Variants in TRIM2 observed in about 807,000 individuals in gnomAD.
The protein encoded by TRIM2 is tripartite motif-containing protein 2.
In TRIM2, 20 loss-of-function variants were observed where a neutral mutation model predicts 75.2. That is an observed-to-expected ratio of 0.27 (90% CI 0.19 to 0.39). The LOEUF (loss-of-function observed/expected upper bound fraction) is 0.39, where lower values mean the gene tolerates loss of function less well. Among genes scored for constraint, TRIM2 ranks in the 10% least tolerant of loss-of-function variants. TRIM2 has a pLI of 1.00. For synonymous variants in TRIM2, 373 were observed against 388.3 expected (o/e 0.96, Z 0.46); for missense variants, 660 against 990.8 (o/e 0.67, Z 4.48).
rs549630838 is a variant in TRIM2, at chr4:153,335,031, C to T, written c.*65C>T. ...ATAAACTGGAATGGATTTCTCAATG[C>T]GGGACCAGATTATGACTAGAGTTTT... On this transcript the variant is annotated 3_prime_UTR_variant, in exon 12 of 12. Transcript: ENST00000338700. 1.9e-5 allele frequency: 28 copies of T among 1,444,766 alleles called. No individual in the cohort carries two copies. Among genetic ancestry groups the T allele is most frequent in the South Asian group, 1.6e-4 (10 of 62,362 alleles). The allele number at this position is 1,444,766 out of a possible 1,614,324, so 89.5% of individuals were successfully genotyped here.
At chr4:153,257,467 A>G in intron 1 of TRIM2, 2 of 1,254,542 alleles carry the variant, frequency 1.6e-6, no homozygotes, top group Non-Finnish European at 2.1e-6. Context: ...CCACTTGTTA[A>G]TGACCCAGAA....
chr4:153,301,072 T>G (rs1161915184), intron 6 of TRIM2, among the ~76,000 whole-genome samples: 1 of 151,762 alleles, frequency 6.6e-6, no homozygotes, highest in Non-Finnish European at 1.5e-5. Flanking sequence ...ATGCCTGTAG[T>G]CCCAGCTACT....
chr4:153,315,403 G>A, intron 6 of TRIM2, 82 bp from the exon 7 acceptor site: 1 of 1,166,444 alleles, frequency 8.6e-7, no homozygotes, highest in East Asian at 2.5e-5. Flanking sequence ...GGTACCTGTG[G>A]AAATCTGAAT....
At chr4:153,304,888 A>G (rs1764663003) in intron 6 of TRIM2, among the ~76,000 whole-genome samples, 1 of 152,242 alleles carries the variant, frequency 6.6e-6, no homozygotes. Context: ...GTAGTGACTT[A>G]CTAAGATATT....
intron 1 of TRIM2, among the ~76,000 whole-genome samples, chr4:153,225,422 T>C (rs766214157): frequency 1.8e-4 from 27 of 152,234 alleles, no homozygotes; most frequent in Non-Finnish European, 4.0e-4. Flanking sequence ...TGAGAGGCTA[T>C]TCTGTGAATG....
At chr4:153,321,604 T>C (rs1301430027) in intron 8 of TRIM2, among the ~76,000 whole-genome samples, 1 of 152,232 alleles carries the variant, frequency 6.6e-6, no homozygotes, top group Non-Finnish European at 1.5e-5. Flanking sequence ...TTAAAATTAA[T>C]GTATCCAATA....
rs893596283 is a variant in TRIM2, at chr4:153,294,494, A to G, written c.786+9A>G. The G allele has an allele frequency of 2.5e-6, 4 of 1,612,056 alleles. No homozygotes were observed. The highest frequency in any genetic ancestry group is 3.4e-6 in the Non-Finnish European group (4 of 1,178,730). ...ATGGCCTCAAACACAAAGTAAGACCAGAATCATTACAGATGTCCTGGAAGA... is the reference window on the plus strand; with the variant it reads ...ATGGCCTCAAACACAAAGTAAGACCGGAATCATTACAGATGTCCTGGAAGA... On this transcript the variant is annotated intron_variant, in intron 5 of 11. Coordinates refer to ENST00000338700, the MANE Select transcript of TRIM2 (RefSeq NM_015271.5).
intron 1 of TRIM2, among the ~76,000 whole-genome samples, chr4:153,218,829 A>G (rs1739190916): frequency 6.6e-6 from 1 of 152,210 alleles, no homozygotes; most frequent in African/African-American, 2.4e-5. Flanking sequence ...GCAAAAGACT[A>G]GTTCTCCTTC....
chr4:153,176,894 A>G (rs1314689173), intron 1 of TRIM2, among the ~76,000 whole-genome samples: 1 of 152,222 alleles, frequency 6.6e-6, no homozygotes, highest in Non-Finnish European at 1.5e-5. Flanking sequence ...TACAGGTGTG[A>G]GCCACCGCAC....
intron 3 of TRIM2, among the ~76,000 whole-genome samples, chr4:153,284,180 G>C (rs1760056052): frequency 6.6e-6 from 1 of 150,696 alleles, no homozygotes. Flanking sequence ...CGCCTGGCCT[G>C]GTTTTTTTTG....
chr4:153,326,507 A>G (rs1363451467), intron 10 of TRIM2, among the ~76,000 whole-genome samples: 1 of 152,214 alleles, frequency 6.6e-6, no homozygotes, highest in Non-Finnish European at 1.5e-5. Context: ...ATAAGTGTAA[A>G]ATGCATATCT....
intron 6 of TRIM2, among the ~76,000 whole-genome samples, chr4:153,312,436 G>A (rs1239838276): frequency 6.6e-6 from 1 of 151,982 alleles, no homozygotes; most frequent in East Asian, 1.9e-4. Context: ...CATTTATGCA[G>A]CCAAAAAACA....
At chr4:153,312,078 C>T (rs574828182) in intron 6 of TRIM2, among the ~76,000 whole-genome samples, 1 of 131,612 alleles carries the variant, frequency 7.6e-6, no homozygotes, top group Non-Finnish European at 1.6e-5. Context: ...CCCCACCCCA[C>T]AACAGTCCCC....
intron 6 of TRIM2, among the ~76,000 whole-genome samples, chr4:153,300,450 T>G (rs1481121012): frequency 6.6e-6 from 1 of 152,208 alleles, no homozygotes; most frequent in African/African-American, 2.4e-5. Context: ...TGACTAATTT[T>G]TTCTTTTGTG....
upstream of TRIM2, among the ~76,000 whole-genome samples, chr4:153,202,337 A>G (rs892619155): frequency 1.3e-5 from 2 of 152,196 alleles, no homozygotes; most frequent in Non-Finnish European, 2.9e-5. Context: ...CCTATAATTT[A>G]TGCAATGCCA....
chr4:153,189,626 T>C (rs1160116425), intron 1 of TRIM2, among the ~76,000 whole-genome samples: 2 of 152,202 alleles, frequency 1.3e-5, no homozygotes, highest in East Asian at 3.9e-4. Context: ...CCTTCCTCTG[T>C]GCTGCTGTAA....
At chr4:153,285,530 C>T (rs1195228960) in intron 3 of TRIM2, among the ~76,000 whole-genome samples, 1 of 152,078 alleles carries the variant, frequency 6.6e-6, no homozygotes, top group Non-Finnish European at 1.5e-5. Context: ...ATAGGTCTCA[C>T]TATTTTGGCC....
intron 1 of TRIM2, among the ~76,000 whole-genome samples, chr4:153,175,999 G>A (rs557480042): frequency 2.0e-5 from 3 of 151,468 alleles, no homozygotes; most frequent in East Asian, 1.9e-4. Context: ...CACCCTGATC[G>A]TGCGTGTGAA....
intron 1 of TRIM2, among the ~76,000 whole-genome samples, chr4:153,166,799 T>C (rs935471731): frequency 6.6e-6 from 1 of 152,174 alleles, no homozygotes; most frequent in Non-Finnish European, 1.5e-5. Context: ...TAAATAAAAG[T>C]GACTTCCACC....
Sources: gnomAD v4.1 joint callset for allele counts (sites outside exome capture counted in the v4.1 genomes callset) on GRCh38, gnomAD v4.1.1 for gene constraint, MANE v1.5 for transcripts, NCBI Gene and HGNC (gene_info 2026-07-23, HGNC 2026-07-21) for gene names.